Variants in RBM47 observed in about 807,000 individuals in gnomAD.
RBM47 encodes RNA-binding protein 47.
RBM47 carries 21 observed loss-of-function variants against 47.1 expected under a neutral mutation model. The observed-to-expected ratio is 0.45, with a 90% CI of 0.32 to 0.64. The LOEUF (loss-of-function observed/expected upper bound fraction) is 0.64, where lower values mean the gene tolerates loss of function less well. RBM47 is among the 30% of genes least tolerant of loss of function. The probability of loss-of-function intolerance (pLI) is 0.05; values close to 1 mark genes in which losing one functional copy is unlikely to be tolerated. For missense variants in RBM47, 708 were observed against 870.9 expected (o/e 0.81, Z 2.35); for synonymous variants, 375 against 361.7 (o/e 1.04, Z -0.42).
At chr4:40,490,545 C>CAAAAATAATA (rs1721725894) in intron 2 of RBM47, among the ~76,000 whole-genome samples, 1 of 151,924 alleles carries the variant, frequency 6.6e-6, no homozygotes, top group Non-Finnish European at 1.5e-5. Context: ...ACAATAGCAT[C>CAAAAATAATA]AAAAATAATA....
At chr4:40,428,134 A>C (rs899984039) in intron 6 of RBM47, among the ~76,000 whole-genome samples, 27 of 152,178 alleles carry the variant, frequency 1.8e-4, no homozygotes, top group African/African-American at 5.3e-4. Flanking sequence ...TCAAAGCTGC[A>C]GTGAGCTGGG....
At position 40,500,366 on chromosome 4, in the gene RBM47, C is replaced by T. The variant is rs189071553; in HGVS notation, c.-154-33667G>A. On this transcript the variant is annotated intron_variant, in intron 2 of 6. Coordinates refer to ENST00000295971, the MANE Select transcript of RBM47 (RefSeq NM_001098634.2). Reference sequence around the variant, plus strand: ...GCGGCTCATGCCTGTAATCCCAGCACTTCGGGAGGCCGAGATGGGCGAAAT... The same window carrying T: ...GCGGCTCATGCCTGTAATCCCAGCATTTCGGGAGGCCGAGATGGGCGAAAT... Among the ~76,000 whole-genome samples the T allele has an allele frequency of 3.8e-4, 58 of 152,222 alleles. No homozygotes were observed. The East Asian group carries it at 8.9e-3, about 23-fold the overall frequency.
chr4:40,578,310 T>C (rs1009928021), intron 1 of RBM47, among the ~76,000 whole-genome samples: 4 of 152,226 alleles, frequency 2.6e-5, no homozygotes, highest in African/African-American at 9.6e-5. Context: ...ACAATTAATA[T>C]ACTTTAAGTT....
chr4:40,535,006 A>G (rs1727800104), intron 2 of RBM47, among the ~76,000 whole-genome samples: 1 of 151,774 alleles, frequency 6.6e-6, no homozygotes, highest in South Asian at 2.1e-4. Context: ...TCTGCCATGC[A>G]TGAACTGTAT....
At chr4:40,537,764 C>T (rs1728123546) in intron 2 of RBM47, among the ~76,000 whole-genome samples, 1 of 152,110 alleles carries the variant, frequency 6.6e-6, no homozygotes, top group Non-Finnish European at 1.5e-5. Flanking sequence ...GTGATGAAGT[C>T]ACTGGTTGTC....
rs372198093 is a variant in RBM47, at chr4:40,484,906, C to T, written c.-154-18207G>A. On this transcript the variant is annotated intron_variant, in intron 2 of 6. Coordinates refer to ENST00000295971, the MANE Select transcript of RBM47 (RefSeq NM_001098634.2). ...TGTCATTTGGGATCAAATTTGATTC[C>T]TGTTTCATCACAACATTGCCTAAAC... 5.3e-4 allele frequency among the ~76,000 whole-genome samples: 81 copies of T among 152,250 alleles called. 3 individuals carry two copies. The South Asian group carries it at 0.015, about 28-fold the overall frequency.
chr4:40,426,226 G>C, intron 6 of RBM47, 83 bp from the exon 7 acceptor site: 2 of 1,516,000 alleles, frequency 1.3e-6, no homozygotes, highest in Non-Finnish European at 1.8e-6. Flanking sequence ...TCTCCCAGAA[G>C]ACGGGAATAC....
At chr4:40,554,283 T>G (rs995510986) in intron 1 of RBM47, among the ~76,000 whole-genome samples, 2 of 151,800 alleles carry the variant, frequency 1.3e-5, no homozygotes, top group Non-Finnish European at 2.9e-5. Context: ...CCTTTTAAAG[T>G]GCAGTTTGAC....
At chr4:40,581,639 T>C (rs1262578535) in intron 1 of RBM47, among the ~76,000 whole-genome samples, 1 of 151,612 alleles carries the variant, frequency 6.6e-6, no homozygotes, top group Non-Finnish European at 1.5e-5. Context: ...GGGGAAGAGG[T>C]GAGATTAAAT....
chr4:40,549,859 T>G (rs1729393968), intron 1 of RBM47, among the ~76,000 whole-genome samples: 1 of 152,104 alleles, frequency 6.6e-6, no homozygotes, highest in African/African-American at 2.4e-5. Flanking sequence ...TTTTGTATTT[T>G]TAGTAGAGAC....
chr4:40,560,959 T>C (rs1381180903), intron 1 of RBM47, among the ~76,000 whole-genome samples: 1 of 150,406 alleles, frequency 6.6e-6, no homozygotes, highest in African/African-American at 2.4e-5. Flanking sequence ...GTAAGACTCC[T>C]TCTCGGAAAA....
chr4:40,446,284 G>A (rs1714514880), intron 3 of RBM47, among the ~76,000 whole-genome samples: 1 of 152,180 alleles, frequency 6.6e-6, no homozygotes, highest in Admixed American at 6.5e-5. Context: ...GCACAGAGAG[G>A]CTAAGTAGAT....
rs759536796 is a variant in RBM47 at position 40,438,180 on chromosome 4, G to A, written c.714C>T (p.Asp238=). The A allele has an allele frequency of 1.2e-6, 2 of 1,609,850 alleles. No individual in the cohort carries two copies. The highest frequency in any genetic ancestry group is 2.2e-5 in the East Asian group (1 of 44,888). ...TCTTCACGGTCTCCATCACGTCCTC[G>A]TCCACGTCGATCTCAGGTTCGGCCC... ...VDWAEPEIDV[D]EDVMETVKIL... is the part of the protein sequence containing the mutation. Residue 238 remains aspartate, a synonymous_variant, in exon 4 of 7, where the codon GAC becomes GAT. Coordinates refer to ENST00000295971, the MANE Select transcript of RBM47 (RefSeq NM_001098634.2).
intron 1 of RBM47, among the ~76,000 whole-genome samples, chr4:40,603,651 T>A (rs1735482118): frequency 6.6e-6 from 1 of 151,662 alleles, no homozygotes; most frequent in Admixed American, 6.6e-5. Flanking sequence ...CACCCAGGCT[T>A]GAGTGCAATG....
At chr4:40,520,412 T>G (rs78410465) in intron 2 of RBM47, among the ~76,000 whole-genome samples, 434 of 152,332 alleles carry the variant, frequency 2.8e-3, no homozygotes, top group Non-Finnish European at 4.9e-3. Flanking sequence ...TAGGGCAGAA[T>G]AATGTGTCTC....
intron 1 of RBM47, among the ~76,000 whole-genome samples, chr4:40,627,461 A>C (rs1303788331): frequency 6.6e-6 from 1 of 152,230 alleles, no homozygotes; most frequent in Non-Finnish European, 1.5e-5. Context: ...CTGAAAAATC[A>C]AGAGACTTAA....
At position 40,436,504 on chromosome 4, in the gene RBM47, A is replaced by C. The variant is rs574417456; in HGVS notation, c.1267T>G (p.Tyr423Asp). Reference sequence around the variant, plus strand: ...ATTTCCAAATTCGGCACCAGTTCATATCCTTTTTCTTGCTGCTTTCCTTTC... The same window carrying C: ...ATTTCCAAATTCGGCACCAGTTCATCTCCTTTTTCTTGCTGCTTTCCTTTC... ...EGKGKQQEKG[Y>D]ELVPNLEIPT... The change falls in exon 5 of 7, where the codon TAT becomes GAT. Residue 423 changes from tyrosine to aspartate, a missense_variant. By Grantham distance (160) the Tyr-to-Asp change is radical. Coordinates refer to ENST00000295971, the MANE Select transcript of RBM47 (RefSeq NM_001098634.2). 3 of 1,614,180 alleles carry C rather than the reference A, an allele frequency of 1.9e-6. No homozygotes were observed. In the African/African-American group the frequency reaches 4.0e-5, roughly 22 times the overall value.
chr4:40,581,713 G>A (rs191223697), intron 1 of RBM47, among the ~76,000 whole-genome samples: 1 of 122,198 alleles, frequency 8.2e-6, no homozygotes, highest in Admixed American at 8.1e-5. Context: ...GATAACCAGA[G>A]AGCCTTCAGG....
At chr4:40,611,366 A>G (rs6819147) in intron 1 of RBM47, among the ~76,000 whole-genome samples, 16 of 151,990 alleles carry the variant, frequency 1.1e-4, no homozygotes, top group Admixed American at 7.9e-4. Context: ...AATGCCTGAC[A>G]CAGAACCTGT....
Sources: gnomAD v4.1 joint callset for allele counts (sites outside exome capture counted in the v4.1 genomes callset) on GRCh38, gnomAD v4.1.1 for gene constraint, MANE v1.5 for transcripts, NCBI Gene and HGNC (gene_info 2026-07-23, HGNC 2026-07-21) for gene names.